The following ALDH6A1 variants were observed in gnomAD, a reference collection of about 807,000 sequenced individuals.
ALDH6A1 encodes the protein methylmalonate-semialdehyde/malonate-semialdehyde dehydrogenase [acylating], mitochondrial.
Under a neutral mutation model 62.6 loss-of-function variants are expected in ALDH6A1, and 43 were observed. The observed-to-expected ratio is 0.69, with a 90% CI of 0.54 to 0.89. ALDH6A1 has a LOEUF of 0.89. ALDH6A1 is among the 40% of genes least tolerant of loss of function. ALDH6A1 has a pLI of 0.00. For missense variants in ALDH6A1, 551 were observed against 661.3 expected (o/e 0.83, Z 1.83); for synonymous variants, 194 against 234.2 (o/e 0.83, Z 1.57).
intron 1 of ALDH6A1, among the ~76,000 whole-genome samples, chr14:74,075,693 T>C (rs1259036573): frequency 2.0e-5 from 3 of 151,890 alleles, no homozygotes; most frequent in Non-Finnish European, 1.5e-5. Context: ...ATATAAGTAA[T>C]AGAGTATATA....
Position 74,057,303 on chromosome 14 carries a change from C to A in ALDH6A1, c.*3339G>T. 6.2e-7 allele frequency: 1 copy of A among 1,613,078 alleles called. No individual in the cohort carries two copies. On this transcript the variant is annotated 3_prime_UTR_variant, in exon 12 of 12. Transcript: ENST00000553458. ...TCAAACAATGTATATTGTTGTCACC[C>A]TTCCCCATGTCGCTTCTTGCTAAAT... is the stretch of plus-strand genomic sequence containing the variant.
At chr14:74,075,766 A>T (rs939725682) in intron 1 of ALDH6A1, among the ~76,000 whole-genome samples, 1 of 152,220 alleles carries the variant, frequency 6.6e-6, no homozygotes, top group Non-Finnish European at 1.5e-5. Context: ...CCATATAGGT[A>T]TTTGAAAAAT....
At chr14:74,075,696 A>T (rs2060605416) in intron 1 of ALDH6A1, among the ~76,000 whole-genome samples, 1 of 152,122 alleles carries the variant, frequency 6.6e-6, no homozygotes, top group Non-Finnish European at 1.5e-5. Context: ...TAAGTAATAG[A>T]GTATATAATC....
At chr14:74,064,485 C>T (rs996741930) in intron 11 of ALDH6A1, among the ~76,000 whole-genome samples, 15 of 151,804 alleles carry the variant, frequency 9.9e-5, no homozygotes, top group African/African-American at 3.6e-4. Flanking sequence ...TGGAGGAGCT[C>T]ATTTTTTAAA....
At chr14:74,082,886 A>T (rs1192848899) in intron 1 of ALDH6A1, 1 of 152,204 alleles carries the variant, frequency 6.6e-6, no homozygotes, top group Non-Finnish European at 1.5e-5. Flanking sequence ...TTGATGGAAA[A>T]GGACAAAATA....
At chr14:74,067,243 A>G (rs1007482263) in intron 8 of ALDH6A1, 137 bp downstream of exon 8, 1 of 1,070,786 alleles carries the variant, frequency 9.3e-7, no homozygotes, top group Non-Finnish European at 1.4e-6. Flanking sequence ...GATGACTCCA[A>G]ATGACAAGTA....
chr14:74,072,418 A>G, intron 3 of ALDH6A1, 54 bp from the exon 4 acceptor site: 2 of 1,613,964 alleles, frequency 1.2e-6, no homozygotes, highest in Non-Finnish European at 1.7e-6. Context: ...TCTCCACTGT[A>G]CATCCAGTCA....
rs746600420 is a variant in ALDH6A1, at chr14:74,072,020, CTT to C, written c.349-48_349-47del. 6 of 1,598,422 alleles carry C rather than the reference CTT, an allele frequency of 3.8e-6. No homozygotes were observed. In the South Asian group the frequency reaches 5.5e-5, roughly 15 times the overall value. On this transcript the variant is annotated intron_variant, in intron 4 of 11. Transcript: ENST00000553458. The stretch of plus-strand genomic sequence containing the variant: ...TAGAAATTAATGCAAGAATGTTCCT[CTT>C]TTAAATTCTGAGGTAGCAAAGGAAG...
At position 74,068,993 on chromosome 14, in the gene ALDH6A1, A is replaced by G. The variant is rs10146187; in HGVS notation, c.731-12T>C. The G allele has an allele frequency of 1.6e-3, 2,595 of 1,613,516 alleles. 39 individuals carry two copies. The African/African-American group carries it at 0.03, about 19-fold the overall frequency. On this transcript the variant is annotated splice_polypyrimidine_tract_variant and intron_variant, in intron 6 of 11. Transcript: ENST00000553458. ...AATAAAATTTACAGCTTTAAGAAGA[A>G]AATAAATGATCACTCACAAAGGAGC...
At position 74,060,639 on chromosome 14, in the gene ALDH6A1, T is replaced by C. The variant is rs1367612068; in HGVS notation, c.*3A>G. 1.1e-5 allele frequency: 18 copies of C among 1,601,656 alleles called. No individual in the cohort carries two copies. The highest frequency in any genetic ancestry group is 1.5e-5 in the Non-Finnish European group (18 of 1,168,752). Reference sequence around the variant, plus strand: ...ATGGAGTCAGTCTTAAACAAACTTGTTTCTAACGGCCCATGGTAGGCATGA... The same window carrying C: ...ATGGAGTCAGTCTTAAACAAACTTGCTTCTAACGGCCCATGGTAGGCATGA... On this transcript the variant is annotated 3_prime_UTR_variant, in exon 12 of 12. Transcript: ENST00000553458.
Position 74,084,400 on chromosome 14 carries a change from T to C in ALDH6A1, c.-6A>G. The stretch of plus-strand genomic sequence containing the variant: ...GCCGCCAATAGCGCCGCCATGGCTC[T>C]CGGCCGCCCTAGCTCCGCACCCCGC... On this transcript the variant is annotated 5_prime_UTR_variant, in exon 1 of 12. Coordinates refer to ENST00000553458, the MANE Select transcript of ALDH6A1 (RefSeq NM_005589.4). 6.2e-7 allele frequency: 1 copy of C among 1,613,136 alleles called. No individual in the cohort carries two copies.
chr14:74,070,808 A>G, intron 6 of ALDH6A1: 1 of 220,828 alleles, frequency 4.5e-6, no homozygotes. Flanking sequence ...TGCCTGAAAC[A>G]CAGAAGCACT....
intron 1 of ALDH6A1, among the ~76,000 whole-genome samples, chr14:74,081,939 G>A (rs898430442): frequency 1.4e-4 from 21 of 152,190 alleles, no homozygotes; most frequent in African/African-American, 5.1e-4. Flanking sequence ...AGGTGCAGCG[G>A]TTCGTGCCTG....
At chr14:74,069,648 G>A (rs1031728987) in intron 6 of ALDH6A1, among the ~76,000 whole-genome samples, 2 of 151,814 alleles carry the variant, frequency 1.3e-5, no homozygotes, top group Non-Finnish European at 2.9e-5. Flanking sequence ...AGCTACTTGG[G>A]AGTCTGAGGC....
Position 74,069,158 on chromosome 14 carries a change from G to A in ALDH6A1, c.731-177C>T, listed in dbSNP as rs967173903. 5.1e-5 allele frequency: 30 copies of A among 590,662 alleles called. No homozygotes were observed. The African/African-American group carries it at 5.4e-4, about 11-fold the overall frequency. 36.6% of individuals were successfully genotyped at this position (590,662 alleles called of 1,614,324 possible). A position where few individuals can be genotyped will look rare whatever the true frequency, so the allele number is the denominator to read the frequency against. ...CTCGCTCTGTTGCCCAGGCTGGAGT[G>A]CAGTGGCACAATTTCGGCTCACTGC... On this transcript the variant is annotated intron_variant, in intron 6 of 11. Transcript: ENST00000553458.
At chr14:74,080,768 T>A (rs1163498888) in intron 1 of ALDH6A1, among the ~76,000 whole-genome samples, 1 of 152,152 alleles carries the variant, frequency 6.6e-6, no homozygotes, top group African/African-American at 2.4e-5. Context: ...TGAATCTAGT[T>A]TCCATCCCAT....
In ALDH6A1 at chr14:74,072,342, C is replaced by G. The variant is rs760122833; in HGVS notation, c.209G>C (p.Arg70Pro). ...HNPATNEVIG[R>P]VPQATKAEMD... ...TTCTGCCTTGGTGGCCTGAGGGACC[C>G]GACCAATGACCTCATTGGTGGCCTG... is the stretch of plus-strand genomic sequence containing the variant. Residue 70 changes from arginine to proline, a missense_variant, in exon 4 of 12, where the codon CGG (arginine) becomes CCG (proline). By Grantham distance (103) the Arg-to-Pro change is moderately radical (BLOSUM62 -2). Transcript: ENST00000553458. The G allele has an allele frequency of 6.2e-7, 1 of 1,614,016 alleles. No homozygotes were observed. The highest frequency in any genetic ancestry group is 1.3e-5 in the African/African-American group (1 of 74,912).
Position 74,058,581 on chromosome 14 carries a change from C to T in ALDH6A1, c.*2061G>A, listed in dbSNP as rs2060271012. On this transcript the variant is annotated 3_prime_UTR_variant, in exon 12 of 12. Transcript: ENST00000553458. The stretch of plus-strand genomic sequence containing the variant: ...ATAAGCCTCAAATCCACAGGGTACA[C>T]AACATTTTCAAGGTCTTTTTTTTTT... 6.8e-6 allele frequency: 1 copy of T among 146,870 alleles called. No individual in the cohort carries two copies. Among genetic ancestry groups the T allele is most frequent in the South Asian group, 2.3e-4 (1 of 4,370 alleles). The allele number at this position is 146,870 out of a possible 1,614,324, so 9.1% of individuals were successfully genotyped here. A position where few individuals can be genotyped will look rare whatever the true frequency, so the allele number is the denominator to read the frequency against.
At chr14:74,070,434 G>T (rs1215704719) in intron 6 of ALDH6A1, among the ~76,000 whole-genome samples, 1 of 152,096 alleles carries the variant, frequency 6.6e-6, no homozygotes, top group Non-Finnish European at 1.5e-5. Context: ...CAGGAAAATT[G>T]CTTGAACCTG....
Sources: allele counts gnomAD v4.1 joint callset (sites outside exome capture counted in the v4.1 genomes callset), GRCh38; gene constraint gnomAD v4.1.1; transcripts MANE v1.5; gene names NCBI Gene and HGNC (gene_info 2026-07-23, HGNC 2026-07-21).